DMXL1: variants seen among roughly 807,000 people sequenced by gnomAD.
The protein encoded by DMXL1 is dmX-like protein 1.
Under a neutral mutation model 319.2 loss-of-function variants are expected in DMXL1, and 99 were observed. The ratio of observed to expected loss-of-function variants is 0.31; its 90% confidence interval spans 0.26 to 0.37. The LOEUF (loss-of-function observed/expected upper bound fraction) is 0.37, where lower values mean the gene tolerates loss of function less well. Ranked by LOEUF, DMXL1 falls within the 10% of genes least tolerant of loss-of-function variation. The pLI, the probability that DMXL1 is intolerant of heterozygous loss-of-function variation, is 1.00. For synonymous variants in DMXL1, 1,385 were observed against 1,235.2 expected, an observed-to-expected ratio of 1.12 and a Z score of -2.54; for missense variants, 3,745 against 3,595.6, an observed-to-expected ratio of 1.04 and a Z score of -1.06.
chr5:119,112,768 C>T (rs1471310191), intron 5 of DMXL1, among the ~76,000 whole-genome samples: 3 of 152,004 alleles, frequency 2.0e-5, no homozygotes, highest in Non-Finnish European at 4.4e-5. Context: ...ACCAGCCTGG[C>T]CACCATGGCG....
chr5:119,085,360 A>G (rs1273156376), intron 1 of DMXL1, among the ~76,000 whole-genome samples: 1 of 151,150 alleles, frequency 6.6e-6, no homozygotes, highest in Non-Finnish European at 1.5e-5. Flanking sequence ...AAATAAATAA[A>G]TAAATATAAT....
intron 13 of DMXL1, among the ~76,000 whole-genome samples, chr5:119,140,589 C>T (rs748866928): frequency 1.3e-5 from 2 of 152,056 alleles, no homozygotes; most frequent in African/African-American, 4.8e-5. Context: ...CAGACTAATA[C>T]GAGCTCCGAA....
chr5:119,220,459 A>T lies in DMXL1; in HGVS notation c.8014-13A>T, dbSNP rs1189773531. On this transcript the variant is annotated splice_polypyrimidine_tract_variant and intron_variant, in intron 35 of 43. Coordinates refer to ENST00000539542, the MANE Select transcript of DMXL1 (RefSeq NM_001290321.3). ...CTATTGCTTTTAAAATTACCATTTG[A>T]CTTATTTTTCAGGCAAATAGAAACT... 1.2e-6 allele frequency: 2 copies of T among 1,610,650 alleles called. No individual in the cohort carries two copies. Among genetic ancestry groups the T allele is most frequent in the Non-Finnish European group, 1.7e-6 (2 of 1,178,836 alleles).
intron 1 of DMXL1, among the ~76,000 whole-genome samples, chr5:119,095,434 G>T (rs186968914): frequency 1.3e-5 from 2 of 152,296 alleles, no homozygotes; most frequent in East Asian, 1.9e-4. Context: ...AGTAATTTGT[G>T]TGGGCTTCAA....
chr5:119,117,932 T>C (rs1448443486), intron 7 of DMXL1, among the ~76,000 whole-genome samples: 4 of 152,248 alleles, frequency 2.6e-5, no homozygotes, highest in Admixed American at 2.6e-4. Flanking sequence ...TGTTCCGTTT[T>C]TAAAAATCAG....
chr5:119,133,669 A>G lies in DMXL1; in HGVS notation c.1745A>G (p.Asn582Ser), dbSNP rs764499098. ...TCAATGCTTATTTCTTCTGGTCACAATAAATCATCTAATAGTTTAAAATTA... is the reference window on the plus strand; with the variant it reads ...TCAATGCTTATTTCTTCTGGTCACAGTAAATCATCTAATAGTTTAAAATTA... Reference protein sequence around the residue: ...STSMLISSGHNKSSNSLKLSI... With the variant: ...STSMLISSGHSKSSNSLKLSI... The change falls in exon 12 of 44, where the codon AAT becomes AGT. Residue 582 changes from asparagine to serine, a missense_variant. Around this residue, in one of 4 missense-constraint regions of DMXL1, gnomAD observed 2,096 missense variants for 1,985.4 expected, o/e 1.06. Coordinates refer to ENST00000539542, the MANE Select transcript of DMXL1 (RefSeq NM_001290321.3). 1.0e-4 allele frequency: 161 copies of G among 1,614,086 alleles called. No homozygotes were observed. The highest frequency in any genetic ancestry group is 1.3e-4 in the Non-Finnish European group (149 of 1,180,040).
At chr5:119,087,741 C>A (rs554281136) in intron 1 of DMXL1, among the ~76,000 whole-genome samples, 5 of 151,768 alleles carry the variant, frequency 3.3e-5, no homozygotes, top group Non-Finnish European at 5.9e-5. Context: ...GAGAGTGGGG[C>A]GTTAAATTCT....
chr5:119,116,889 C>T (rs1205499507), intron 7 of DMXL1, among the ~76,000 whole-genome samples: 1 of 152,120 alleles, frequency 6.6e-6, no homozygotes, highest in Non-Finnish European at 1.5e-5. Flanking sequence ...GTGACACACA[C>T]ATACATATCC....
intron 34 of DMXL1, among the ~76,000 whole-genome samples, chr5:119,213,608 A>G (rs1783172886): frequency 6.6e-6 from 1 of 152,218 alleles, no homozygotes; most frequent in Non-Finnish European, 1.5e-5. Flanking sequence ...TTAAACAATA[A>G]TGTTGAAACA....
Position 119,170,289 on chromosome 5 carries a change from C to A in DMXL1, c.5498C>A (p.Thr1833Lys). 3 of 1,613,846 alleles carry A rather than the reference C, an allele frequency of 1.9e-6. No individual in the cohort carries two copies. Among genetic ancestry groups the A allele is most frequent in the Non-Finnish European group, 2.5e-6 (3 of 1,179,936 alleles). Residue 1833 changes from threonine to lysine, a missense_variant, in exon 24 of 44, where the codon ACA becomes AAA. By Grantham distance (78) the Thr-to-Lys change is moderately conservative. Around this residue, in one of 4 missense-constraint regions of DMXL1, gnomAD observed 1,382 missense variants for 1,269.5 expected, o/e 1.09. Transcript: ENST00000539542. Reference sequence around the variant, plus strand: ...AGACGTCATTTTGGATCATCTGATACATTTTCCACACATATGAGCCTAACA... The same window carrying A: ...AGACGTCATTTTGGATCATCTGATAAATTTTCCACACATATGAGCCTAACA... ...LLRRHFGSSD[T>K]FSTHMSLTGK...
At chr5:119,087,437 G>T (rs1008749166) in intron 1 of DMXL1, among the ~76,000 whole-genome samples, 2 of 151,898 alleles carry the variant, frequency 1.3e-5, no homozygotes, top group African/African-American at 4.8e-5. Flanking sequence ...TTGATCCATT[G>T]GTCATTCAGG....
intron 19 of DMXL1, among the ~76,000 whole-genome samples, chr5:119,163,880 G>T (rs1157868934): frequency 6.6e-6 from 1 of 151,872 alleles, no homozygotes; most frequent in Admixed American, 6.6e-5. Flanking sequence ...CGGCCTAATT[G>T]TACGTTTTTT....
intron 42 of DMXL1, 41 bp from the exon 43 acceptor site, chr5:119,244,318 T>C (rs1789340434): frequency 6.7e-7 from 1 of 1,500,454 alleles, no homozygotes; most frequent in Admixed American, 2.1e-5. Context: ...CTATTTCTTT[T>C]ATTGTTAAGT....
At chr5:119,132,390 A>G (rs1218166156) in intron 10 of DMXL1, among the ~76,000 whole-genome samples, 1 of 152,190 alleles carries the variant, frequency 6.6e-6, no homozygotes, top group African/African-American at 2.4e-5. Context: ...TAAGAAAGTT[A>G]CATAACTTGG....
At chr5:119,097,298 A>T (rs975089033) in intron 1 of DMXL1, among the ~76,000 whole-genome samples, 4 of 152,238 alleles carry the variant, frequency 2.6e-5, no homozygotes, top group African/African-American at 9.6e-5. Flanking sequence ...TGCAGTAAAC[A>T]TTCTTCAAAT....
At chr5:119,144,437 G>A in intron 14 of DMXL1, 99 bp from the exon 15 acceptor site, 2 of 870,128 alleles carry the variant, frequency 2.3e-6, no homozygotes, top group South Asian at 1.6e-5. Flanking sequence ...TTCTTATTCT[G>A]CCTTTAAATA....
chr5:119,075,914 A>G (rs906828080), intron 1 of DMXL1, among the ~76,000 whole-genome samples: 1 of 152,186 alleles, frequency 6.6e-6, no homozygotes, highest in Admixed American at 6.5e-5. Flanking sequence ...AAAAGGCAAC[A>G]AGTTAAAAAG....
At chr5:119,233,024 G>A (rs1344383151) in intron 38 of DMXL1, among the ~76,000 whole-genome samples, 1 of 151,340 alleles carries the variant, frequency 6.6e-6, no homozygotes, top group East Asian at 1.9e-4. Context: ...TTCTTATAAT[G>A]AGTAATATAT....
At chr5:119,172,036 AG>A (rs1400895965) in intron 25 of DMXL1, 67 bp downstream of exon 25, 1 of 1,403,178 alleles carries the variant, frequency 7.1e-7, no homozygotes, top group African/African-American at 1.5e-5. Context: ...ATAAATATTA[AG>A]GCTTTTTTTT....
Sources: gnomAD v4.1 joint callset for allele counts (sites outside exome capture counted in the v4.1 genomes callset) on GRCh38, gnomAD v4.1.1 for gene constraint, gnomAD v4.1.1 regional missense constraint, MANE v1.5 for transcripts, NCBI Gene and HGNC (gene_info 2026-07-23, HGNC 2026-07-21) for gene names.